Variants in MRPL42 observed in about 807,000 individuals in gnomAD.
MRPL42 encodes the protein large ribosomal subunit protein mL42.
Under a neutral mutation model 17.9 loss-of-function variants are expected in MRPL42, and 17 were observed. That is an observed-to-expected ratio of 0.95 (90% CI 0.65 to 1.42). MRPL42 has a LOEUF of 1.42. MRPL42 is among the 40% of genes most tolerant of loss of function. MRPL42 has a pLI of 0.00. For missense variants in MRPL42, 177 were observed against 175.2 expected (o/e 1.01, Z -0.06); for synonymous variants, 59 against 54.4 (o/e 1.08, Z -0.37).
At chr12:93,477,662 T>C (rs141074937) in intron 3 of MRPL42, among the ~76,000 whole-genome samples, 1 of 152,122 alleles carries the variant, frequency 6.6e-6, no homozygotes, top group Non-Finnish European at 1.5e-5. Context: ...AGTGGTGTGA[T>C]CTTGGCTCAC....
intron 2 of MRPL42, among the ~76,000 whole-genome samples, chr12:93,474,860 GCGGGC>G (rs1034438631): frequency 2.8e-5 from 3 of 108,962 alleles, no homozygotes; most frequent in Admixed American, 9.1e-5. Flanking sequence ...GGAGGCCAAG[GCGGGC>G]TGGGCTGATC....
chr12:93,489,990 C>T (rs923171738), intron 5 of MRPL42, among the ~76,000 whole-genome samples: 93 of 152,322 alleles, frequency 6.1e-4, no homozygotes, highest in African/African-American at 2.2e-3. Context: ...TCTGAGATTT[C>T]TTTTTATGAT....
Position 93,487,595 on chromosome 12 carries a change from A to G in MRPL42, c.318A>G (p.Gly106=). Residue 106 remains glycine (G), a synonymous_variant, in exon 5 of 6, where the codon GGA becomes GGG. Transcript: ENST00000549982. ...LEEKVEHLEE[G]PMIEQLSKMF... ...AAAAAGTTGAACACCTTGAGGAAGG[A>G]CCTATGATAGAACAACTTAGCAAAA... 6.2e-7 allele frequency: 1 copy of G among 1,613,352 alleles called. No homozygotes were observed. Among genetic ancestry groups the G allele is most frequent in the Non-Finnish European group, 8.5e-7 (1 of 1,179,328 alleles).
At position 93,512,881 on chromosome 12, in the gene MRPL42, G is replaced by T. The variant is rs938343100; in HGVS notation, c.*11660G>T. 1 of 152,210 alleles carries T rather than the reference G, an allele frequency of 6.6e-6. No individual in the cohort carries two copies. The highest frequency in any genetic ancestry group is 1.5e-5 in the Non-Finnish European group (1 of 68,044). 9.4% of individuals were successfully genotyped at this position (152,210 alleles called of 1,614,324 possible). A position where few individuals can be genotyped will look rare whatever the true frequency, so the allele number is the denominator to read the frequency against. On this transcript the variant is annotated 3_prime_UTR_variant, in exon 6 of 6. Coordinates refer to ENST00000549982, the MANE Select transcript of MRPL42 (RefSeq NM_014050.4). ...TAATTGTAAGCTTATATGATACATTGTTCTAACTGGCAACTAATGAAGGAT... is the reference window on the plus strand; with the variant it reads ...TAATTGTAAGCTTATATGATACATTTTTCTAACTGGCAACTAATGAAGGAT...
intron 5 of MRPL42, among the ~76,000 whole-genome samples, chr12:93,497,199 A>G (rs1232465670): frequency 6.6e-6 from 1 of 152,296 alleles, no homozygotes; most frequent in East Asian, 1.9e-4. Flanking sequence ...CAAAAAATCG[A>G]GGAGGAAGGA....
Position 93,472,361 on chromosome 12 carries a change from AG to A in MRPL42, c.70+3008del, listed in dbSNP as rs965583195. ...TACCAGCACTTTGGCAGGCTGAAGC[AG>A]GCTCTGAAGTTTGAGACCAGGCTGG... On this transcript the variant is annotated intron_variant, in intron 2 of 5. Transcript: ENST00000549982. 8.9e-4 allele frequency among the ~76,000 whole-genome samples: 136 copies of A among 152,238 alleles called. 1 individual carries two copies. The highest frequency in any genetic ancestry group is 3.2e-3 in the African/African-American group (131 of 41,540).
At chr12:93,489,728 G>T (rs1490594107) in intron 5 of MRPL42, among the ~76,000 whole-genome samples, 1 of 152,116 alleles carries the variant, frequency 6.6e-6, no homozygotes, top group African/African-American at 2.4e-5. Flanking sequence ...TAGAGACAAG[G>T]TTTCGCCATG....
intron 5 of MRPL42, among the ~76,000 whole-genome samples, chr12:93,491,848 T>TA (rs1427312084): frequency 1.3e-5 from 2 of 152,252 alleles, no homozygotes; most frequent in African/African-American, 4.8e-5. Flanking sequence ...GGCTCCCACT[T>TA]ACACGTGAGA....
intron 2 of MRPL42, among the ~76,000 whole-genome samples, chr12:93,473,435 A>G (rs1391919627): frequency 2.7e-5 from 4 of 150,236 alleles, no homozygotes; most frequent in Non-Finnish European, 5.9e-5. Flanking sequence ...TTATTTATTT[A>G]TTTATTTATT....
rs1435404951 is a variant in MRPL42, at chr12:93,504,983, G to A, written c.*3762G>A. ...TGGTTTTATAAAATACATTGCTCTA[G>A]TGCACAGGATTTTAAGCTAAGGATT... On this transcript the variant is annotated 3_prime_UTR_variant, in exon 6 of 6. Coordinates refer to ENST00000549982, the MANE Select transcript of MRPL42 (RefSeq NM_014050.4). 1 of 152,154 alleles carries A rather than the reference G, an allele frequency of 6.6e-6. No homozygotes were observed. Among genetic ancestry groups the A allele is most frequent in the South Asian group, 2.1e-4 (1 of 4,826 alleles). The allele number at this position is 152,154 out of a possible 1,614,324, so 9.4% of individuals were successfully genotyped here. A position where few individuals can be genotyped will look rare whatever the true frequency, so the allele number is the denominator to read the frequency against.
rs567036746 is a variant in MRPL42 at position 93,501,355 on chromosome 12, T to A, written c.*134T>A. On this transcript the variant is annotated 3_prime_UTR_variant, in exon 6 of 6. Coordinates refer to ENST00000549982, the MANE Select transcript of MRPL42 (RefSeq NM_014050.4). ...CTTTTCATATATTAGAATGTGTACT[T>A]TTATATAAAGTAATTCTGGATTTGA... The A allele has an allele frequency of 6.2e-4, 315 of 511,152 alleles. No individual in the cohort carries two copies. Among genetic ancestry groups the A allele is most frequent in the Non-Finnish European group, 9.4e-4 (291 of 309,650 alleles). 31.7% of individuals were successfully genotyped at this position (511,152 alleles called of 1,614,324 possible).
chr12:93,480,156 C>T (rs560416376), intron 4 of MRPL42, among the ~76,000 whole-genome samples: 18 of 152,204 alleles, frequency 1.2e-4, no homozygotes, highest in African/African-American at 4.3e-4. Context: ...GGGTCTCACT[C>T]TGTCACCCAG....
At chr12:93,478,641 A>G (rs1402450029) in intron 3 of MRPL42, among the ~76,000 whole-genome samples, 1 of 152,224 alleles carries the variant, frequency 6.6e-6, no homozygotes, top group East Asian at 1.9e-4. Flanking sequence ...ACTGAGTCAT[A>G]TAAGTGTTTT....
chr12:93,468,017 G>C (rs1169873142), intron 1 of MRPL42, among the ~76,000 whole-genome samples: 1 of 152,146 alleles, frequency 6.6e-6, no homozygotes, highest in African/African-American at 2.4e-5. Flanking sequence ...TTTTATTCGT[G>C]GTCAGAAGTC....
At chr12:93,485,554 AAAG>A in intron 4 of MRPL42, among the ~76,000 whole-genome samples, 1 of 82,046 alleles carries the variant, frequency 1.2e-5, no homozygotes, top group Middle Eastern at 7.0e-3. Flanking sequence ...GTATGAATGT[AAAG>A]AAAATATGTT....
rs1010798283 is a variant in MRPL42 at position 93,507,761 on chromosome 12, C to G, written c.*6540C>G. 4 of 152,402 alleles carry G rather than the reference C, an allele frequency of 2.6e-5. No individual in the cohort carries two copies. Among genetic ancestry groups the G allele is most frequent in the African/African-American group, 7.2e-5 (3 of 41,544 alleles). The allele number at this position is 152,402 out of a possible 1,614,324, so 9.4% of individuals were successfully genotyped here. A position where few individuals can be genotyped will look rare whatever the true frequency, so the allele number is the denominator to read the frequency against. On this transcript the variant is annotated 3_prime_UTR_variant, in exon 6 of 6. Coordinates refer to ENST00000549982, the MANE Select transcript of MRPL42 (RefSeq NM_014050.4). ...ACCTGGGGCATTAGGGGGACTGTGT[C>G]TCTCATCATCCAGCAAGCTAGGCCT...
intron 3 of MRPL42, among the ~76,000 whole-genome samples, chr12:93,478,942 A>ATTTATTTATTTTTTTT (rs1282970400): frequency 1.7e-4 from 13 of 76,562 alleles, no homozygotes; most frequent in African/African-American, 4.6e-4. Flanking sequence ...TTATTTATTT[A>ATTTATTTATTTTTTTT]TTTTTTTGAG....
Position 93,478,942 on chromosome 12 carries a change from A to ATTTT in MRPL42, c.135-442_135-439dup, listed in dbSNP as rs1555200922. On this transcript the variant is annotated intron_variant, in intron 3 of 5. Transcript: ENST00000549982. ...TATTTATTTATTTATTTATTTATTT[A>ATTTT]TTTTTTTGAGATGGAGTCTCATTCT... Among the ~76,000 whole-genome samples the ATTTT allele has an allele frequency of 5.9e-3, 455 of 76,648 alleles. 2 individuals are homozygous for ATTTT. Among genetic ancestry groups the ATTTT allele is most frequent in the African/African-American group, 0.014 (410 of 28,604 alleles). The allele number at this position is 76,648 out of a possible 152,430, so 50.3% of individuals were successfully genotyped here. A position where few individuals can be genotyped will look rare whatever the true frequency, so the allele number is the denominator to read the frequency against.
chr12:93,484,840 C>T lies in MRPL42; in HGVS notation c.220-2657C>T, dbSNP rs148855531. Among the ~76,000 whole-genome samples, 877 of 149,860 alleles carry T rather than the reference C, an allele frequency of 5.9e-3. 12 individuals carry two copies. Among genetic ancestry groups the T allele is most frequent in the African/African-American group, 0.02 (818 of 40,724 alleles). On this transcript the variant is annotated intron_variant, in intron 4 of 5. Transcript: ENST00000549982. ...CATGAACTCTTGACCTCATGTGATC[C>T]GCTCACCATGGCCTCCCAAAGTGCT...
Sources: gnomAD v4.1 joint callset for allele counts (sites outside exome capture counted in the v4.1 genomes callset) on GRCh38, gnomAD v4.1.1 for gene constraint, MANE v1.5 for transcripts, NCBI Gene and HGNC (gene_info 2026-07-23, HGNC 2026-07-21) for gene names.